Variants in TMEM132D observed in about 807,000 individuals in gnomAD.
TMEM132D encodes the protein transmembrane protein 132D, also known as mature OL transmembrane protein.
Under a neutral mutation model 62.3 loss-of-function variants are expected in TMEM132D, and 21 were observed. That is an observed-to-expected ratio of 0.34 (90% confidence interval 0.24 to 0.49). The LOEUF (loss-of-function observed/expected upper bound fraction) is 0.49, where lower values mean the gene tolerates loss of function less well. Ranked by LOEUF, TMEM132D falls within the 20% of genes least tolerant of loss-of-function variation. The probability of loss-of-function intolerance (pLI) is 0.99; values close to 1 mark genes in which losing one functional copy is unlikely to be tolerated. For synonymous variants in TMEM132D, 621 were observed against 575.6 expected (o/e 1.08, Z -1.13); for missense variants, 1,346 against 1,402.8 (o/e 0.96, Z 0.65).
intron 1 of TMEM132D, among the ~76,000 whole-genome samples, chr12:129,829,945 T>C (rs1872778525): frequency 2.6e-5 from 4 of 152,178 alleles, no homozygotes. Flanking sequence ...TTAAGTTTGT[T>C]TGTCTCCTTT....
At chr12:129,530,545 G>A (rs1488374815) in intron 3 of TMEM132D, among the ~76,000 whole-genome samples, 1 of 152,294 alleles carries the variant, frequency 6.6e-6, no homozygotes, top group Non-Finnish European at 1.5e-5. Context: ...TCCCTAGAGT[G>A]ATCCACAATT....
At position 129,852,449 on chromosome 12, in the gene TMEM132D, T is replaced by C. The variant is rs1340570394; in HGVS notation, c.79+50812A>G. ...GTCACAGCTGCTCATAAGGTTGAAG[T>C]GGGAGGATTGCTTGAGCCCGGCAGG... On this transcript the variant is annotated intron_variant, in intron 1 of 8. Coordinates refer to ENST00000422113, the MANE Select transcript of TMEM132D (RefSeq NM_133448.3). The C allele has an allele frequency of 3.3e-5, 5 of 152,032 alleles. No individual in the cohort carries two copies. The East Asian group carries it at 7.8e-4, about 24-fold the overall frequency. The allele number at this position is 152,032 out of a possible 1,614,324, so 9.4% of individuals were successfully genotyped here.
At chr12:129,729,848 G>A (rs1425493266) in intron 1 of TMEM132D, among the ~76,000 whole-genome samples, 1 of 152,136 alleles carries the variant, frequency 6.6e-6, no homozygotes, top group East Asian at 1.9e-4. Context: ...ATTAATGTAA[G>A]GTCCTCTGAG....
intron 4 of TMEM132D, among the ~76,000 whole-genome samples, chr12:129,241,675 T>C (rs964106755): frequency 1.3e-5 from 2 of 152,230 alleles, no homozygotes; most frequent in African/African-American, 2.4e-5. Context: ...CTCTCCTTCA[T>C]AGCACTTGTC....
intron 4 of TMEM132D, among the ~76,000 whole-genome samples, chr12:129,229,411 C>A (rs1488982979): frequency 6.6e-6 from 1 of 152,176 alleles, no homozygotes; most frequent in Non-Finnish European, 1.5e-5. Context: ...TGAAACCCAG[C>A]ATGAATATTT....
At chr12:129,387,827 A>G (rs1195792665) in intron 3 of TMEM132D, among the ~76,000 whole-genome samples, 9 of 135,748 alleles carry the variant, frequency 6.6e-5, no homozygotes, top group African/African-American at 1.4e-4. Context: ...TCCTAATATA[A>G]ACACTAACAC....
chr12:129,721,733 A>G (rs1045300964), intron 1 of TMEM132D, among the ~76,000 whole-genome samples: 10 of 152,048 alleles, frequency 6.6e-5, no homozygotes, highest in Non-Finnish European at 1.5e-4. Flanking sequence ...GCATGTACGG[A>G]CCCTCTGAAC....
intron 1 of TMEM132D, among the ~76,000 whole-genome samples, chr12:129,777,440 T>C (rs890949293): frequency 6.6e-6 from 1 of 152,156 alleles, no homozygotes; most frequent in Non-Finnish European, 1.5e-5. Context: ...GCTCCTACCT[T>C]CCCAACCTCT....
chr12:129,254,108 C>T lies in TMEM132D; in HGVS notation c.1300-44445G>A, dbSNP rs61947085. 5.2e-3 allele frequency among the ~76,000 whole-genome samples: 786 copies of T among 152,258 alleles called. 5 individuals carry two copies. The highest frequency in any genetic ancestry group is 7.5e-3 in the Non-Finnish European group (512 of 68,014). Reference sequence around the variant, plus strand: ...GCAGGGCCCAAGATGCCTAAATACACGTATCCTCTAGCCAGGACTTTCTCC... The same window carrying T: ...GCAGGGCCCAAGATGCCTAAATACATGTATCCTCTAGCCAGGACTTTCTCC... On this transcript the variant is annotated intron_variant, in intron 4 of 8. Transcript: ENST00000422113.
At chr12:129,650,267 T>C (rs1376166136) in intron 2 of TMEM132D, among the ~76,000 whole-genome samples, 14 of 152,352 alleles carry the variant, frequency 9.2e-5, no homozygotes, top group African/African-American at 3.1e-4. Flanking sequence ...CTCGATATTA[T>C]GTTTGTGATA....
intron 5 of TMEM132D, among the ~76,000 whole-genome samples, chr12:129,108,155 A>T (rs867061367): frequency 3.9e-5 from 6 of 152,196 alleles, no homozygotes; most frequent in South Asian, 2.1e-4. Context: ...GGGGACAGTT[A>T]TGTCCCTACT....
intron 1 of TMEM132D, among the ~76,000 whole-genome samples, chr12:129,752,070 C>T (rs1441906672): frequency 2.0e-5 from 3 of 152,180 alleles, no homozygotes; most frequent in Admixed American, 2.0e-4. Context: ...TTTGCCAACA[C>T]ACCATCCCCT....
chr12:129,822,442 C>G (rs553896185), intron 1 of TMEM132D, among the ~76,000 whole-genome samples: 1 of 152,152 alleles, frequency 6.6e-6, no homozygotes. Context: ...GGTCCCTCCC[C>G]AGGGAGTCAC....
chr12:129,811,526 T>C (rs1872180859), intron 1 of TMEM132D, among the ~76,000 whole-genome samples: 1 of 151,732 alleles, frequency 6.6e-6, no homozygotes, highest in South Asian at 2.1e-4. Context: ...GGATGCAGAA[T>C]TGGGACTCCA....
At chr12:129,491,512 G>A (rs61377849) in intron 3 of TMEM132D, among the ~76,000 whole-genome samples, 1 of 152,042 alleles carries the variant, frequency 6.6e-6, no homozygotes, top group Admixed American at 6.6e-5. Context: ...AGCTTCCCCC[G>A]GTCCTCCCCG....
intron 4 of TMEM132D, among the ~76,000 whole-genome samples, chr12:129,322,541 G>C (rs944191220): frequency 6.6e-6 from 1 of 151,970 alleles, no homozygotes; most frequent in Non-Finnish European, 1.5e-5. Context: ...ATCGTTTCTC[G>C]GTGGTTGAAT....
chr12:129,863,885 GAGTTTAT>G (rs1873977574), intron 1 of TMEM132D, among the ~76,000 whole-genome samples: 1 of 152,210 alleles, frequency 6.6e-6, no homozygotes, highest in African/African-American at 2.4e-5. Flanking sequence ...TCAGTCGGCA[GAGTTTAT>G]CCCTCTAACA....
chr12:129,747,828 C>T (rs1294747434), intron 1 of TMEM132D, among the ~76,000 whole-genome samples: 1 of 132,640 alleles, frequency 7.5e-6, no homozygotes, highest in African/African-American at 2.8e-5. Flanking sequence ...GACACACACT[C>T]GACACACATT....
chr12:129,727,628 G>C (rs1421796508), intron 1 of TMEM132D, among the ~76,000 whole-genome samples: 1 of 151,934 alleles, frequency 6.6e-6, no homozygotes, highest in Admixed American at 6.6e-5. Flanking sequence ...AAGAAGAGTG[G>C]GTCTCTCCTC....
Sources: allele counts gnomAD v4.1 joint callset (sites outside exome capture counted in the v4.1 genomes callset), GRCh38; gene constraint gnomAD v4.1.1; transcripts MANE v1.5; gene names NCBI Gene and HGNC (gene_info 2026-07-23, HGNC 2026-07-21).